BLTP1: variants seen among roughly 807,000 people sequenced by gnomAD.
The protein encoded by BLTP1 is bridge-like lipid transfer protein family member 1.
At chr4:122,358,658 G>A in the BLTP1 span, among the ~76,000 whole-genome samples, 3 of 152,120 alleles carry the variant, frequency 2.0e-5, no homozygotes, top group Admixed American at 6.5e-5. Flanking sequence ...GTGTTCTTAC[G>A]TAGTGCGTTA....
the BLTP1 span, among the ~76,000 whole-genome samples, chr4:122,241,989 G>A: frequency 2.6e-5 from 4 of 152,272 alleles, no homozygotes; most frequent in South Asian, 8.3e-4. Flanking sequence ...GTATTGGTGA[G>A]GATGTAGAGA....
At chr4:122,278,833 T>C in the BLTP1 span, among the ~76,000 whole-genome samples, 3 of 152,300 alleles carry the variant, frequency 2.0e-5, no homozygotes, top group South Asian at 4.1e-4. Context: ...GTTTTTTCCT[T>C]GTTGCCCAGG....
chr4:122,216,797 G>T, the BLTP1 span, among the ~76,000 whole-genome samples: 1 of 151,862 alleles, frequency 6.6e-6, no homozygotes. Context: ...TTTTGTTTTC[G>T]TTGCATTTGC....
the BLTP1 span, among the ~76,000 whole-genome samples, chr4:122,319,008 G>A: frequency 6.6e-6 from 1 of 152,102 alleles, no homozygotes; most frequent in Non-Finnish European, 1.5e-5. Flanking sequence ...GATCAAATCT[G>A]TGGGCATAGA....
chr4:122,316,385 A>G, the BLTP1 span: 1 of 474,304 alleles, frequency 2.1e-6, no homozygotes, highest in Non-Finnish European at 4.4e-6. Context: ...GATGGCCACA[A>G]ACTCACCTTT....
the BLTP1 span, among the ~76,000 whole-genome samples, chr4:122,355,546 C>T: frequency 6.8e-6 from 1 of 147,940 alleles, no homozygotes; most frequent in Admixed American, 6.8e-5. Context: ...TATAGATATA[C>T]TACATATATA....
chr4:122,205,780 TCACATACA>T, the BLTP1 span: 1 of 82,610 alleles, frequency 1.2e-5, no homozygotes, highest in South Asian at 6.3e-4. Context: ...TCTTTCTCTG[TCACATACA>T]CACACACACA....
At chr4:122,264,530 T>A in the BLTP1 span, 23 of 983,348 alleles carry the variant, frequency 2.3e-5, no homozygotes, top group African/African-American at 3.1e-4. Context: ...AGTGAGGCTA[T>A]ACCTTACCTA....
At chr4:122,190,009 A>C in the BLTP1 span, 1 of 1,612,658 alleles carries the variant, frequency 6.2e-7, no homozygotes, top group Non-Finnish European at 8.5e-7. Context: ...GACCACCGAG[A>C]TTAATGGGAG....
chr4:122,244,993 A>G, the BLTP1 span: 1 of 1,601,564 alleles, frequency 6.2e-7, no homozygotes, highest in Non-Finnish European at 8.5e-7. Context: ...ACATTTAAAT[A>G]TTTCATTTAC....
the BLTP1 span, chr4:122,237,022 C>T: frequency 2.0e-6 from 2 of 985,118 alleles, no homozygotes; most frequent in African/African-American, 1.7e-5. Flanking sequence ...TCCTGTATCA[C>T]TTAGAAGCAA....
chr4:122,246,310 A>C, the BLTP1 span: 1 of 1,549,100 alleles, frequency 6.5e-7, no homozygotes, highest in South Asian at 1.3e-5. Flanking sequence ...TAACAATTTA[A>C]TATTTAAAAA....
the BLTP1 span, chr4:122,307,651 C>T: frequency 1.0e-6 from 1 of 985,034 alleles, no homozygotes; most frequent in Non-Finnish European, 1.2e-6. Context: ...GTTATTCCAT[C>T]CCAGTATCTA....
At chr4:122,310,886 G>A in the BLTP1 span, 1 of 894,986 alleles carries the variant, frequency 1.1e-6, no homozygotes. Flanking sequence ...GACTTGATAT[G>A]GAAATACTCA....
the BLTP1 span, chr4:122,231,595 A>G: frequency 7.7e-6 from 7 of 912,700 alleles, no homozygotes; most frequent in South Asian, 5.1e-5. Flanking sequence ...AATTTTATGC[A>G]TTCAAGTATG....
At chr4:122,331,982 A>G in the BLTP1 span, among the ~76,000 whole-genome samples, 1 of 152,020 alleles carries the variant, frequency 6.6e-6, no homozygotes, top group Non-Finnish European at 1.5e-5. Flanking sequence ...TTCAGGATAT[A>G]ACTGCAGCTT....
chr4:122,188,306 A>G, the BLTP1 span: 1 of 538,576 alleles, frequency 1.9e-6, no homozygotes, highest in African/African-American at 2.0e-5. Context: ...GCATGATTAT[A>G]ACTATAATTT....
chr4:122,205,511 CT>C, the BLTP1 span, among the ~76,000 whole-genome samples: 1 of 151,190 alleles, frequency 6.6e-6, no homozygotes, highest in Non-Finnish European at 1.5e-5. Context: ...CTCTCTCTCT[CT>C]CTCTCTCTCT....
the BLTP1 span, among the ~76,000 whole-genome samples, chr4:122,342,182 A>G: frequency 6.6e-6 from 1 of 152,154 alleles, no homozygotes; most frequent in Non-Finnish European, 1.5e-5. Flanking sequence ...GGCAGAGTTA[A>G]TAATTGCTTA....
Sources: allele counts gnomAD v4.1 joint callset (sites outside exome capture counted in the v4.1 genomes callset), GRCh38; gene constraint gnomAD v4.1.1; transcripts MANE v1.5; gene names NCBI Gene and HGNC (gene_info 2026-07-23, HGNC 2026-07-21).